The following COBL variants were observed in gnomAD, a reference collection of about 807,000 sequenced individuals.
COBL encodes protein cordon-bleu.
Under a neutral mutation model 98.8 loss-of-function variants are expected in COBL, and 51 were observed. That is an observed-to-expected ratio of 0.52 (90% CI 0.41 to 0.65). The LOEUF is 0.65. Ranked by LOEUF, COBL falls within the 30% of genes least tolerant of loss-of-function variation. The probability of loss-of-function intolerance (pLI) is 0.00; values close to 1 mark genes in which losing one functional copy is unlikely to be tolerated. For missense variants in COBL, 1,617 were observed against 1,617.5 expected, an observed-to-expected ratio of 1.00 and a Z score of 0.01; for synonymous variants, 634 against 651.7, an observed-to-expected ratio of 0.97 and a Z score of 0.41.
At chr7:51,312,055 G>A (rs1803103885) in intron 1 of COBL, among the ~76,000 whole-genome samples, 1 of 152,092 alleles carries the variant, frequency 6.6e-6, no homozygotes, top group Admixed American at 6.5e-5. Flanking sequence ...CGGGGGCAGT[G>A]GCTCACACCT....
chr7:51,020,193 T>C (rs140086983), intron 12 of COBL, among the ~76,000 whole-genome samples: 87 of 152,298 alleles, frequency 5.7e-4, no homozygotes, highest in African/African-American at 1.8e-3. Flanking sequence ...TCACTTATGA[T>C]GTCTGTGCCC....
chr7:51,080,899 C>G (rs970573490), intron 7 of COBL, among the ~76,000 whole-genome samples: 1 of 52,438 alleles, frequency 1.9e-5, no homozygotes, highest in African/African-American at 7.8e-5. Context: ...TTATGAAAAA[C>G]GATACAACAA....
At chr7:51,112,987 T>C (rs1226582280) in intron 6 of COBL, among the ~76,000 whole-genome samples, 1 of 152,196 alleles carries the variant, frequency 6.6e-6, no homozygotes, top group Admixed American at 6.5e-5. Flanking sequence ...TGTGCTCCCA[T>C]AAGACGTGGA....
intron 6 of COBL, among the ~76,000 whole-genome samples, chr7:51,093,807 T>C (rs1461683602): frequency 6.6e-6 from 1 of 151,944 alleles, no homozygotes; most frequent in Non-Finnish European, 1.5e-5. Context: ...GTCAGGAGGA[T>C]TGCCTGAGCC....
chr7:51,058,058 A>T (rs1219615619), intron 7 of COBL, among the ~76,000 whole-genome samples: 2 of 152,174 alleles, frequency 1.3e-5, no homozygotes, highest in African/African-American at 4.8e-5. Flanking sequence ...AAAGAAAATA[A>T]TCACTTATCC....
At chr7:51,081,961 T>G (rs1392220311) in intron 7 of COBL, among the ~76,000 whole-genome samples, 3 of 151,964 alleles carry the variant, frequency 2.0e-5, no homozygotes, top group African/African-American at 7.3e-5. Context: ...TTCATTTGCA[T>G]TCGGAAGCAT....
At chr7:51,103,066 C>T (rs1174882143) in intron 6 of COBL, among the ~76,000 whole-genome samples, 1 of 152,034 alleles carries the variant, frequency 6.6e-6, no homozygotes, top group Admixed American at 6.5e-5. Context: ...GTGTTCCTAC[C>T]ACAAAAAAAT....
At chr7:51,196,866 G>A (rs1790642055) in intron 2 of COBL, among the ~76,000 whole-genome samples, 2 of 151,772 alleles carry the variant, frequency 1.3e-5, no homozygotes, top group Middle Eastern at 3.4e-3. Context: ...GGGGTCAGTG[G>A]TGACACCTCA....
chr7:51,308,360 T>G (rs1802682708), intron 1 of COBL, among the ~76,000 whole-genome samples: 1 of 152,206 alleles, frequency 6.6e-6, no homozygotes, highest in Non-Finnish European at 1.5e-5. Flanking sequence ...TCTGCTGCTT[T>G]GCCAAGTGCT....
intron 6 of COBL, among the ~76,000 whole-genome samples, chr7:51,111,419 T>C (rs1450812719): frequency 2.0e-5 from 3 of 152,344 alleles, no homozygotes; most frequent in East Asian, 1.9e-4. Flanking sequence ...TATGGCATTA[T>C]TGGCATTGGA....
At chr7:51,126,105 A>G (rs1329937552) in intron 6 of COBL, among the ~76,000 whole-genome samples, 1 of 152,192 alleles carries the variant, frequency 6.6e-6, no homozygotes. Flanking sequence ...AGGTGAACAG[A>G]TTACTTGAGG....
chr7:51,247,733 C>T (rs569818951), intron 1 of COBL, among the ~76,000 whole-genome samples: 5 of 152,262 alleles, frequency 3.3e-5, no homozygotes, highest in African/African-American at 7.2e-5. Flanking sequence ...TTGCCATATT[C>T]GACCCTATTG....
chr7:51,171,966 A>G (rs1233506829), intron 5 of COBL, among the ~76,000 whole-genome samples: 1 of 152,258 alleles, frequency 6.6e-6, no homozygotes, highest in East Asian at 1.9e-4. Flanking sequence ...GTCAATATTT[A>G]TAAGATGTCA....
At chr7:51,161,473 C>A (rs1438761400) in intron 5 of COBL, among the ~76,000 whole-genome samples, 1 of 152,234 alleles carries the variant, frequency 6.6e-6, no homozygotes, top group African/African-American at 2.4e-5. Context: ...CGCCACTCAA[C>A]ACGAATTCTG....
chr7:51,186,056 G>A (rs755656992), intron 4 of COBL, among the ~76,000 whole-genome samples: 5 of 152,242 alleles, frequency 3.3e-5, no homozygotes, highest in Admixed American at 6.5e-5. Flanking sequence ...CAGCACCAAT[G>A]CATGTGTGCA....
At chr7:51,024,913 T>C (rs906546043) in intron 12 of COBL, among the ~76,000 whole-genome samples, 196 bp downstream of exon 12, 1 of 152,116 alleles carries the variant, frequency 6.6e-6, no homozygotes, top group South Asian at 2.1e-4. Flanking sequence ...AGGCTGACTT[T>C]CTCACCTGTG....
At chr7:51,183,099 A>G (rs1313317498) in intron 5 of COBL, among the ~76,000 whole-genome samples, 2 of 152,196 alleles carry the variant, frequency 1.3e-5, no homozygotes, top group African/African-American at 4.8e-5. Flanking sequence ...TGGGTAAACC[A>G]CAATTCTAAC....
chr7:51,259,964 G>T (rs1248390813), intron 1 of COBL: 18 of 752,182 alleles, frequency 2.4e-5, no homozygotes, highest in South Asian at 1.3e-4. Flanking sequence ...AGTCATCTGA[G>T]ATGCATCTTG....
chr7:51,296,866 T>C (rs1801461353), intron 1 of COBL, among the ~76,000 whole-genome samples: 2 of 152,168 alleles, frequency 1.3e-5, no homozygotes, highest in Admixed American at 1.3e-4. Flanking sequence ...CTGTATGCAC[T>C]CAGGTCTTTT....
Sources: gnomAD v4.1 joint callset for allele counts (sites outside exome capture counted in the v4.1 genomes callset) on GRCh38, gnomAD v4.1.1 for gene constraint, MANE v1.5 for transcripts, NCBI Gene and HGNC (gene_info 2026-07-23, HGNC 2026-07-21) for gene names.